The following EVA1C variants were observed in gnomAD, a reference collection of about 807,000 sequenced individuals.
EVA1C encodes eva-1 homolog C.
In EVA1C, 25 loss-of-function variants were observed where a neutral mutation model predicts 45.4. The observed-to-expected ratio is 0.55, with a 90% CI of 0.40 to 0.77. The LOEUF is 0.77. Ranked by LOEUF, EVA1C falls within the 30% of genes least tolerant of loss-of-function variation. EVA1C has a pLI of 0.00. For missense variants in EVA1C, 479 were observed against 554.8 expected (o/e 0.86, Z 1.37); for synonymous variants, 190 against 221.2 (o/e 0.86, Z 1.25).
At chr21:32,431,031 G>C (rs9980042) in intron 1 of EVA1C, among the ~76,000 whole-genome samples, 3,042 of 150,350 alleles carry the variant, frequency 0.02, 93 homozygotes, top group African/African-American at 0.061. Context: ...GCAGGGGAAA[G>C]ACCCACCCCA....
chr21:32,505,065 C>CAATTA (rs2037682484), intron 7 of EVA1C, among the ~76,000 whole-genome samples: 1 of 152,024 alleles, frequency 6.6e-6, no homozygotes. Flanking sequence ...ATGGGAAAGA[C>CAATTA]CCACCCCATG....
In EVA1C at chr21:32,514,893, CAG is replaced by C. The variant is rs1474174643; in HGVS notation, c.1034_1035del (p.Glu345ValfsTer21). ...CCCTCACACTGTGCGCCCTGGTCAT[CAG>C]AGAGTCCTGTGCCAAGGACTTCCGC... ...LALTLCALVI[R>X]ESCAKDFRDL... On this transcript the variant is annotated frameshift_variant, in exon 8 of 8. Coordinates refer to ENST00000300255, the MANE Select transcript of EVA1C (RefSeq NM_058187.5). LOFTEE classifies it high-confidence loss of function. 1 of 1,613,888 alleles carries C rather than the reference CAG, an allele frequency of 6.2e-7. No individual in the cohort carries two copies. The highest frequency in any genetic ancestry group is 8.5e-7 in the Non-Finnish European group (1 of 1,179,986).
At chr21:32,441,530 A>C (rs2035173104) in intron 1 of EVA1C, among the ~76,000 whole-genome samples, 1 of 152,000 alleles carries the variant, frequency 6.6e-6, no homozygotes, top group Admixed American at 6.6e-5. Flanking sequence ...TGGATGAAGT[A>C]GAAGGGGCCC....
chr21:32,504,533 G>T (rs1210098248), intron 7 of EVA1C, among the ~76,000 whole-genome samples: 1 of 152,126 alleles, frequency 6.6e-6, no homozygotes, highest in Non-Finnish European at 1.5e-5. Context: ...GAGCCAGAAG[G>T]CTTATACCAA....
Position 32,412,738 on chromosome 21 carries a change from G to A in EVA1C, c.-116G>A. On this transcript the variant is annotated 5_prime_UTR_variant, in exon 1 of 8. Transcript: ENST00000300255. ...CTCTGGCAGCCTGGGCAGGGAGGCG[G>A]CGGGGGGCCGCGGAGCCGCTGGCCA... 1 of 1,112,348 alleles carries A rather than the reference G, an allele frequency of 9.0e-7. No individual in the cohort carries two copies. Among genetic ancestry groups the A allele is most frequent in the Non-Finnish European group, 1.2e-6 (1 of 854,456 alleles). The allele number at this position is 1,112,348 out of a possible 1,614,324, so 68.9% of individuals were successfully genotyped here.
chr21:32,439,031 T>A (rs2035073673), intron 1 of EVA1C, among the ~76,000 whole-genome samples: 1 of 145,910 alleles, frequency 6.9e-6, no homozygotes, highest in African/African-American at 2.6e-5. Flanking sequence ...AAGTCGGGAG[T>A]TAGAGACCAG....
intron 1 of EVA1C, 132 bp downstream of exon 1, chr21:32,413,145 C>A: frequency 2.7e-6 from 2 of 735,708 alleles, no homozygotes; most frequent in Non-Finnish European, 3.8e-6. Flanking sequence ...AGACACTTGT[C>A]TGGTGTGAGC....
At position 32,427,420 on chromosome 21, in the gene EVA1C, A is replaced by G. The variant is rs556047324; in HGVS notation, c.160+14407A>G. Reference sequence around the variant, plus strand: ...TTTACCGCTGGGTATAGACAGTGTTAAAAATAGGCAGAGGCCGGGCGTGGT... The same window carrying G: ...TTTACCGCTGGGTATAGACAGTGTTGAAAATAGGCAGAGGCCGGGCGTGGT... On this transcript the variant is annotated intron_variant, in intron 1 of 7. Coordinates refer to ENST00000300255, the MANE Select transcript of EVA1C (RefSeq NM_058187.5). Among the ~76,000 whole-genome samples, 17 of 152,348 alleles carry G rather than the reference A, an allele frequency of 1.1e-4. No individual in the cohort carries two copies. The East Asian group carries it at 3.1e-3, about 28-fold the overall frequency.
intron 4 of EVA1C, among the ~76,000 whole-genome samples, chr21:32,484,723 T>C (rs1309044070): frequency 1.3e-5 from 2 of 152,130 alleles, no homozygotes; most frequent in Non-Finnish European, 2.9e-5. Context: ...CTGTGATTTC[T>C]ACCCTAATCT....
At chr21:32,508,586 C>T (rs552343426) in intron 7 of EVA1C, among the ~76,000 whole-genome samples, 2 of 152,332 alleles carry the variant, frequency 1.3e-5, no homozygotes, top group Non-Finnish European at 2.9e-5. Context: ...TGTGTTCCCA[C>T]GGTCTCCAAT....
intron 2 of EVA1C, among the ~76,000 whole-genome samples, chr21:32,457,227 C>T (rs2035816760): frequency 6.6e-6 from 1 of 152,154 alleles, no homozygotes; most frequent in African/African-American, 2.4e-5. Context: ...TAGGGGACCC[C>T]GCTCGAAGGG....
intron 1 of EVA1C, among the ~76,000 whole-genome samples, chr21:32,449,444 G>A (rs1568894936): frequency 6.6e-6 from 1 of 152,204 alleles, no homozygotes; most frequent in Admixed American, 6.5e-5. Context: ...TATCCAGAAT[G>A]TCATATAGTT....
intron 4 of EVA1C, among the ~76,000 whole-genome samples, chr21:32,469,993 A>T (rs1324352029): frequency 6.6e-6 from 1 of 152,136 alleles, no homozygotes; most frequent in East Asian, 1.9e-4. Flanking sequence ...TCACACTCCA[A>T]TCTGTGCTGG....
chr21:32,414,306 T>G, intron 1 of EVA1C, among the ~76,000 whole-genome samples: 1 of 152,192 alleles, frequency 6.6e-6, no homozygotes, highest in South Asian at 2.1e-4. Context: ...CTATTAACTT[T>G]TTTTTTTGTA....
chr21:32,455,439 A>G (rs2146257932), intron 2 of EVA1C, among the ~76,000 whole-genome samples: 1 of 152,282 alleles, frequency 6.6e-6, no homozygotes, highest in East Asian at 1.9e-4. Context: ...TTACATTTCA[A>G]TGTGAGTTTT....
intron 4 of EVA1C, among the ~76,000 whole-genome samples, chr21:32,494,019 C>T (rs904002537): frequency 1.3e-5 from 2 of 151,992 alleles, no homozygotes; most frequent in South Asian, 2.1e-4. Context: ...AGGTTGGTCT[C>T]GAATTCCTGA....
chr21:32,472,429 G>A (rs113984921), intron 4 of EVA1C, among the ~76,000 whole-genome samples: 1,967 of 152,204 alleles, frequency 0.013, 33 homozygotes, highest in Admixed American at 0.038. Context: ...CAAAGTGCTG[G>A]GATTACAGGT....
At chr21:32,506,437 G>T (rs1051468701) in intron 7 of EVA1C, among the ~76,000 whole-genome samples, 1 of 151,526 alleles carries the variant, frequency 6.6e-6, no homozygotes, top group Admixed American at 6.6e-5. Context: ...TTATTGAGGG[G>T]TGTTTGGTGA....
Position 32,443,524 on chromosome 21 carries a change from C to T in EVA1C, c.161-9788C>T, listed in dbSNP as rs145812157. 4.0e-3 allele frequency among the ~76,000 whole-genome samples: 603 copies of T among 151,930 alleles called. 6 individuals are homozygous for T. The highest frequency in any genetic ancestry group is 0.013 in the African/African-American group (526 of 41,442). On this transcript the variant is annotated intron_variant, in intron 1 of 7. Transcript: ENST00000300255. Reference sequence around the variant, plus strand: ...TGCACTCCAGCCTGGGCAAGAAGAGCGAAACTCCATCTCAAAAAACAAACA... The same window carrying T: ...TGCACTCCAGCCTGGGCAAGAAGAGTGAAACTCCATCTCAAAAAACAAACA...
Sources: gnomAD v4.1 joint callset for allele counts (sites outside exome capture counted in the v4.1 genomes callset) on GRCh38, gnomAD v4.1.1 for gene constraint, MANE v1.5 for transcripts, NCBI Gene and HGNC (gene_info 2026-07-23, HGNC 2026-07-21) for gene names.